HIRA: variants seen among roughly 807,000 people sequenced by gnomAD.
HIRA encodes histone cell cycle regulator, also known as protein HIRA.
Under a neutral mutation model 126.6 loss-of-function variants are expected in HIRA, and 13 were observed. The ratio of observed to expected loss-of-function variants is 0.10; its 90% CI spans 0.07 to 0.16. The LOEUF is 0.16. HIRA is among the 10% of genes least tolerant of loss of function. The pLI is 1.00. For missense variants in HIRA, 834 were observed against 1,314.4 expected (o/e 0.63, Z 5.65); for synonymous variants, 511 against 520.0 (o/e 0.98, Z 0.24).
chr22:19,337,956 T>C (rs1233573411), intron 24 of HIRA, among the ~76,000 whole-genome samples: 2 of 152,090 alleles, frequency 1.3e-5, no homozygotes, highest in Non-Finnish European at 2.9e-5. Context: ...CAGGCCTGGA[T>C]AATTTTTGTA....
At chr22:19,358,112 A>G (rs549805236) in intron 18 of HIRA, among the ~76,000 whole-genome samples, 4 of 151,966 alleles carry the variant, frequency 2.6e-5, no homozygotes, top group Admixed American at 2.6e-4. Context: ...CGATTCTCCT[A>G]CCTTAGCCTC....
Position 19,351,768 on chromosome 22 carries a change from A to G in HIRA, c.2849-322T>C, listed in dbSNP as rs938973155. Among the ~76,000 whole-genome samples the G allele has an allele frequency of 2.0e-5, 3 of 152,098 alleles. No homozygotes were observed. Among genetic ancestry groups the G allele is most frequent in the Non-Finnish European group, 4.4e-5 (3 of 68,016 alleles). ...CCTTAAGGTGATGGGAAGATATGGGAAATTGTGGGCTGGTGAGATCTGTCT... is the reference window on the plus strand; with the variant it reads ...CCTTAAGGTGATGGGAAGATATGGGGAATTGTGGGCTGGTGAGATCTGTCT... On this transcript the variant is annotated intron_variant, in intron 23 of 24. Coordinates refer to ENST00000263208, the MANE Select transcript of HIRA (RefSeq NM_003325.4). This position sits in a 1 kb window ranked among gnomAD's most constrained non-coding sequence, Gnocchi z 4.8.
chr22:19,351,337 A>G lies in HIRA; in HGVS notation c.2937+21T>C, dbSNP rs782126306. The G allele has an allele frequency of 6.3e-7, 1 of 1,579,656 alleles. No individual in the cohort carries two copies. The highest frequency in any genetic ancestry group is 8.6e-7 in the Non-Finnish European group (1 of 1,168,444). On this transcript the variant is annotated intron_variant, in intron 24 of 24. Coordinates refer to ENST00000263208, the MANE Select transcript of HIRA (RefSeq NM_003325.4). The surrounding 1 kb of genome is among the most constrained non-coding windows in gnomAD (Gnocchi z 4.8). ...TGTTTCAAGAAAGAATTCTTGCAGC[A>G]ACAATGAAAGAAGCACCTACCACTA... is the stretch of plus-strand genomic sequence containing the variant.
At chr22:19,357,905 A>C (rs1245631109) in intron 18 of HIRA, among the ~76,000 whole-genome samples, 3 of 152,336 alleles carry the variant, frequency 2.0e-5, no homozygotes, top group East Asian at 3.9e-4. Context: ...GAGGCAAGTG[A>C]GATGCTTTTG....
In HIRA at chr22:19,351,506, A is replaced by G; in HGVS notation, c.2849-60T>C. 2 of 1,214,356 alleles carry G rather than the reference A, an allele frequency of 1.6e-6. No individual in the cohort carries two copies. The highest frequency in any genetic ancestry group is 1.3e-5 in the South Asian group (1 of 79,354). 75.2% of individuals were successfully genotyped at this position (1,214,356 alleles called of 1,614,324 possible). A position where few individuals can be genotyped will look rare whatever the true frequency, so the allele number is the denominator to read the frequency against. ...AAAAACAAAACAGAAATAGGAACAC[A>G]TTACAAAAAGAAATAAAATCAAGAA... is the stretch of plus-strand genomic sequence containing the variant. On this transcript the variant is annotated intron_variant, in intron 23 of 24. Coordinates refer to ENST00000263208, the MANE Select transcript of HIRA (RefSeq NM_003325.4). This position sits in a 1 kb window ranked among gnomAD's most constrained non-coding sequence, Gnocchi z 4.8.
Position 19,408,516 on chromosome 22 carries a change from G to C in HIRA, c.178C>G (p.Pro60Ala). 6.2e-7 allele frequency: 1 copy of C among 1,613,172 alleles called. No homozygotes were observed. Among genetic ancestry groups the C allele is most frequent in the Non-Finnish European group, 8.5e-7 (1 of 1,179,090 alleles). Residue 60 changes from proline to alanine, a missense_variant, in exon 3 of 25, where the codon CCC becomes GCC. Coordinates refer to ENST00000263208, the MANE Select transcript of HIRA (RefSeq NM_003325.4). Reference protein sequence around the residue: ...QEDDEKDENIPKMLCQMDNHL... With the variant: ...QEDDEKDENIAKMLCQMDNHL... ...TTGTCCATCTGGCAAAGCATCTTGGGAATATTTTCATCCTTCTCGTCATCC... is the reference window on the plus strand; with the variant it reads ...TTGTCCATCTGGCAAAGCATCTTGGCAATATTTTCATCCTTCTCGTCATCC...
chr22:19,408,643 A>G (rs761488595), intron 2 of HIRA, 50 bp from the exon 3 acceptor site: 2 of 1,011,838 alleles, frequency 2.0e-6, no homozygotes, highest in Non-Finnish European at 3.1e-6. Flanking sequence ...TAGAAATTTG[A>G]TATTAATATT....
rs200536281 is a variant in HIRA, at chr22:19,413,283, G to T, written c.38-2505C>A. Among the ~76,000 whole-genome samples the T allele has an allele frequency of 2.0e-5, 3 of 152,176 alleles. No homozygotes were observed. In the East Asian group the frequency reaches 5.8e-4, roughly 29 times the overall value. ...GGGGGTGGGGGCCTCAAGGCTCCAGGGGAAGGCAGGGATGGAGGCTGGCAA... is the reference window on the plus strand; with the variant it reads ...GGGGGTGGGGGCCTCAAGGCTCCAGTGGAAGGCAGGGATGGAGGCTGGCAA... On this transcript the variant is annotated intron_variant, in intron 1 of 24. Transcript: ENST00000263208.
intron 1 of HIRA, among the ~76,000 whole-genome samples, chr22:19,422,670 G>A (rs2089457804): frequency 6.6e-6 from 1 of 152,206 alleles, no homozygotes; most frequent in African/African-American, 2.4e-5. Context: ...TGCCTGGAAT[G>A]CTCTTCCCTC....
At position 19,359,326 on chromosome 22, in the gene HIRA, C is replaced by T. The variant is rs746283651; in HGVS notation, c.2234+10G>A. 13 of 1,559,688 alleles carry T rather than the reference C, an allele frequency of 8.3e-6. No homozygotes were observed. Among genetic ancestry groups the T allele is most frequent in the South Asian group, 6.0e-5 (5 of 83,342 alleles). On this transcript the variant is annotated intron_variant, in intron 18 of 24. Transcript: ENST00000263208. The stretch of plus-strand genomic sequence containing the variant: ...TCACCTGGGCCGGCTAAGGACCTGC[C>T]CACCCTTACCAGCTGCCCGCAGCAG...
intron 24 of HIRA, among the ~76,000 whole-genome samples, chr22:19,342,301 A>T (rs1361615514): frequency 6.6e-6 from 1 of 152,228 alleles, no homozygotes; most frequent in Non-Finnish European, 1.5e-5. Flanking sequence ...AATAAAAAAA[A>T]TAGATATTAG....
Position 19,418,341 on chromosome 22 carries a change from T to G in HIRA, c.38-7563A>C, listed in dbSNP as rs375094526. On this transcript the variant is annotated intron_variant, in intron 1 of 24. Coordinates refer to ENST00000263208, the MANE Select transcript of HIRA (RefSeq NM_003325.4). ...GAGGTGGGTGTAATTATAAAAATTG[T>G]TGGCGGGGTGCGGTGGCTCACACCT... 6.6e-5 allele frequency among the ~76,000 whole-genome samples: 10 copies of G among 152,056 alleles called. No homozygotes were observed. In the East Asian group the frequency reaches 1.2e-3, roughly 18 times the overall value.
intron 24 of HIRA, among the ~76,000 whole-genome samples, chr22:19,348,567 C>T (rs1428701403): frequency 3.3e-5 from 5 of 151,880 alleles, no homozygotes; most frequent in Non-Finnish European, 7.4e-5. Flanking sequence ...GCGATCTCGG[C>T]TCACTGCAAC....
chr22:19,355,458 G>T (rs1912544367), intron 21 of HIRA, among the ~76,000 whole-genome samples: 2 of 152,162 alleles, frequency 1.3e-5, no homozygotes, highest in Non-Finnish European at 2.9e-5. Flanking sequence ...CTATGCTCAT[G>T]GTGGCTAAGG....
chr22:19,391,037 T>C lies in HIRA; in HGVS notation c.936+1064A>G, dbSNP rs113193310. ...AAACGTACATCCACATAAAGACTTA[T>C]ACAAGAATGTTCATATCAGCTTTAG... is the stretch of plus-strand genomic sequence containing the variant. On this transcript the variant is annotated intron_variant, in intron 9 of 24. Transcript: ENST00000263208. Among the ~76,000 whole-genome samples the C allele has an allele frequency of 9.7e-4, 147 of 152,232 alleles. 1 individual carries two copies. The highest frequency in any genetic ancestry group is 3.2e-3 in the African/African-American group (131 of 41,538).
chr22:19,420,647 C>G (rs2089439205), intron 1 of HIRA, among the ~76,000 whole-genome samples: 1 of 151,862 alleles, frequency 6.6e-6, no homozygotes, highest in Admixed American at 6.6e-5. Context: ...CCCAGGAGCT[C>G]AAGGCTGCAG....
chr22:19,390,410 T>G (rs28496364), intron 9 of HIRA, among the ~76,000 whole-genome samples: 20,541 of 151,460 alleles, frequency 0.14, 2,759 homozygotes, highest in African/African-American at 0.34. Flanking sequence ...CTGGACAACA[T>G]GGTGAAACCC....
chr22:19,346,505 C>T (rs2088688363), intron 24 of HIRA, among the ~76,000 whole-genome samples: 1 of 152,208 alleles, frequency 6.6e-6, no homozygotes, highest in Admixed American at 6.5e-5. Flanking sequence ...CAGGAGAGGA[C>T]CTGGCAGAAG....
intron 21 of HIRA, 127 bp from the exon 22 acceptor site, chr22:19,354,245 G>A (rs1371340708): frequency 1.1e-6 from 1 of 916,796 alleles, no homozygotes; most frequent in Non-Finnish European, 1.6e-6. Flanking sequence ...AAAGCCAGTA[G>A]AGGCTGAGCG....
Sources: allele counts gnomAD v4.1 joint callset (sites outside exome capture counted in the v4.1 genomes callset), GRCh38; gene constraint gnomAD v4.1.1; non-coding constraint Gnocchi (gnomAD v3.1); transcripts MANE v1.5; gene names NCBI Gene and HGNC (gene_info 2026-07-23, HGNC 2026-07-21).